Variants in SCAPER observed in about 807,000 individuals in gnomAD.
The protein encoded by SCAPER is S-phase cyclin A associated protein in the ER, also known as S phase cyclin A-associated protein in the endoplasmic reticulum.
Under a neutral mutation model 182.2 loss-of-function variants are expected in SCAPER, and 98 were observed. The ratio of observed to expected loss-of-function variants is 0.54; its 90% CI spans 0.46 to 0.64. The LOEUF is 0.64. Among genes scored for constraint, SCAPER ranks in the 30% least tolerant of loss-of-function variants. The pLI is 0.00. For missense variants in SCAPER, 1,432 were observed against 1,690.0 expected (o/e 0.85, Z 2.68); for synonymous variants, 605 against 564.6 (o/e 1.07, Z -1.01).
chr15:76,845,453 T>A (rs1446638808), intron 4 of SCAPER, among the ~76,000 whole-genome samples: 1 of 152,154 alleles, frequency 6.6e-6, no homozygotes, highest in Admixed American at 6.5e-5. Context: ...TGATCTCATA[T>A]TTAGAAAAAC....
chr15:76,768,622 A>T (rs2063251775), intron 10 of SCAPER, among the ~76,000 whole-genome samples: 1 of 152,018 alleles, frequency 6.6e-6, no homozygotes. Flanking sequence ...TATACTAAAA[A>T]ACAACAGTAA....
intron 5 of SCAPER, among the ~76,000 whole-genome samples, chr15:76,811,339 C>CA (rs989614001): frequency 1.3e-5 from 2 of 150,788 alleles, no homozygotes; most frequent in African/African-American, 2.4e-5. Context: ...ATAGCAAGAA[C>CA]AAAAAAAAGG....
At chr15:76,474,758 T>C (rs868510816) in intron 24 of SCAPER, among the ~76,000 whole-genome samples, 3 of 152,214 alleles carry the variant, frequency 2.0e-5, no homozygotes, top group South Asian at 2.1e-4. Flanking sequence ...ATAAATAATA[T>C]GTTAATAAAC....
intron 24 of SCAPER, among the ~76,000 whole-genome samples, chr15:76,493,416 C>T (rs2052525173): frequency 6.6e-6 from 1 of 152,056 alleles, no homozygotes; most frequent in Admixed American, 6.6e-5. Flanking sequence ...AATTATTCCA[C>T]AGAGACATTC....
intron 21 of SCAPER, among the ~76,000 whole-genome samples, chr15:76,625,749 G>A (rs758968581): frequency 4.6e-5 from 7 of 152,074 alleles, no homozygotes; most frequent in Non-Finnish European, 8.8e-5. Context: ...GGGCTTTCCC[G>A]TGGCTAGACG....
chr15:76,811,137 G>GGCA (rs2066584417), intron 5 of SCAPER, among the ~76,000 whole-genome samples: 1 of 110,436 alleles, frequency 9.1e-6, no homozygotes, highest in Non-Finnish European at 2.0e-5. Context: ...AAAAAAAAAA[G>GGCA]ACAACGAAAC....
intron 2 of SCAPER, among the ~76,000 whole-genome samples, chr15:76,866,931 A>G (rs1435220889): frequency 2.0e-5 from 3 of 152,106 alleles, no homozygotes; most frequent in African/African-American, 7.2e-5. Flanking sequence ...TGCTGTATGG[A>G]GATTTTACAG....
rs1276835550 is a variant in SCAPER, at chr15:76,603,553, G to A, written c.2711+18211C>T. On this transcript the variant is annotated intron_variant, in intron 22 of 31. Transcript: ENST00000563290. Reference sequence around the variant, plus strand: ...ATCCTTTGGGTATGTACCCAGTGATGGGATGGCTGGGTCAAATGGTTTTCT... The same window carrying A: ...ATCCTTTGGGTATGTACCCAGTGATAGGATGGCTGGGTCAAATGGTTTTCT... Among the ~76,000 whole-genome samples, 19 of 122,056 alleles carry A rather than the reference G, an allele frequency of 1.6e-4. 3 individuals are homozygous for A. The East Asian group carries it at 3.8e-3, about 24-fold the overall frequency. 80.1% of individuals were successfully genotyped at this position (122,056 alleles called of 152,430 possible).
At chr15:76,866,975 AG>A (rs2072345918) in intron 2 of SCAPER, among the ~76,000 whole-genome samples, 1 of 152,202 alleles carries the variant, frequency 6.6e-6, no homozygotes, top group Non-Finnish European at 1.5e-5. Context: ...TTCAACTAAA[AG>A]TATAAAGATC....
At chr15:76,864,486 T>G (rs1255517385) in intron 2 of SCAPER, among the ~76,000 whole-genome samples, 1 of 152,158 alleles carries the variant, frequency 6.6e-6, no homozygotes, top group Non-Finnish European at 1.5e-5. Context: ...CACCTGGGAG[T>G]ATGTTACTAT....
intron 5 of SCAPER, among the ~76,000 whole-genome samples, chr15:76,813,918 A>T (rs1294359234): frequency 6.6e-6 from 1 of 152,168 alleles, no homozygotes; most frequent in Non-Finnish European, 1.5e-5. Flanking sequence ...CCGTAATCCT[A>T]GCACTTTGGG....
intron 23 of SCAPER, among the ~76,000 whole-genome samples, chr15:76,527,848 A>G (rs1051855501): frequency 1.3e-5 from 2 of 151,894 alleles, no homozygotes; most frequent in Non-Finnish European, 2.9e-5. Flanking sequence ...TTTATTTTTT[A>G]TGTATTTGGA....
intron 8 of SCAPER, among the ~76,000 whole-genome samples, chr15:76,784,263 C>A (rs2064402962): frequency 6.6e-6 from 1 of 152,190 alleles, no homozygotes; most frequent in South Asian, 2.1e-4. Flanking sequence ...AGAGCCAAAT[C>A]ATGAGTGAAC....
chr15:76,760,659 G>A (rs1025884962), intron 14 of SCAPER, among the ~76,000 whole-genome samples: 1 of 152,144 alleles, frequency 6.6e-6, no homozygotes, highest in Admixed American at 6.6e-5. Context: ...TACAACAAAA[G>A]ATGCTCCTAT....
intron 1 of SCAPER, among the ~76,000 whole-genome samples, chr15:76,899,967 T>C (rs926586339): frequency 9.8e-5 from 15 of 152,330 alleles, no homozygotes; most frequent in Non-Finnish European, 2.1e-4. Flanking sequence ...GAAGTAGACA[T>C]AGGAGACTCC....
intron 2 of SCAPER, among the ~76,000 whole-genome samples, chr15:76,876,079 G>A (rs1404700210): frequency 6.6e-6 from 1 of 152,174 alleles, no homozygotes. Flanking sequence ...CAGGTGCTAA[G>A]CCCCTCACTG....
Position 76,703,978 on chromosome 15 carries a change from T to C in SCAPER, c.2248-976A>G, listed in dbSNP as rs983667115. 1.1e-4 allele frequency among the ~76,000 whole-genome samples: 17 copies of C among 152,302 alleles called. 2 individuals are homozygous for C. Among genetic ancestry groups the C allele is most frequent in the Admixed American group, 9.2e-4 (14 of 15,300 alleles). ...GGAGCCAGCATGTAAATAACTGTGA[T>C]ATAATATGAAACATTCATACTGTTA... On this transcript the variant is annotated intron_variant, in intron 18 of 31. Transcript: ENST00000563290.
intron 2 of SCAPER, among the ~76,000 whole-genome samples, chr15:76,872,909 CAGG>C (rs1229133130): frequency 6.6e-6 from 1 of 151,648 alleles, no homozygotes; most frequent in Non-Finnish European, 1.5e-5. Flanking sequence ...TTACATTCTC[CAGG>C]AAGTGATAAA....
At chr15:76,632,784 T>C (rs1245477678) in intron 21 of SCAPER, among the ~76,000 whole-genome samples, 1 of 147,676 alleles carries the variant, frequency 6.8e-6, no homozygotes, top group African/African-American at 2.5e-5. Context: ...TTTTTTTTTT[T>C]TTTTTTGAGA....
Sources: allele counts gnomAD v4.1 joint callset (sites outside exome capture counted in the v4.1 genomes callset), GRCh38; gene constraint gnomAD v4.1.1; transcripts MANE v1.5; gene names NCBI Gene and HGNC (gene_info 2026-07-23, HGNC 2026-07-21).